POLR3B: variants seen among roughly 807,000 people sequenced by gnomAD.
POLR3B encodes the protein DNA-directed RNA polymerase III subunit RPC2.
A neutral mutation model predicts 147.4 loss-of-function variants in POLR3B; 96 were observed. The observed-to-expected ratio is 0.65, with a 90% CI of 0.55 to 0.77. The LOEUF is 0.77. Ranked by LOEUF, POLR3B falls within the 30% of genes least tolerant of loss-of-function variation. POLR3B has a pLI of 0.00. For synonymous variants in POLR3B, 461 were observed against 485.9 expected (o/e 0.95, Z 0.67); for missense variants, 1,036 against 1,413.5 (o/e 0.73, Z 4.28).
chr12:106,501,213 T>A, intron 25 of POLR3B, 110 bp from the exon 26 acceptor site: 1 of 755,848 alleles, frequency 1.3e-6, no homozygotes, highest in Non-Finnish European at 2.4e-6. Flanking sequence ...AAATCATTCT[T>A]ATCCAGTCAG....
intron 27 of POLR3B, among the ~76,000 whole-genome samples, chr12:106,507,423 AG>A (rs2038705258): frequency 6.6e-6 from 1 of 152,224 alleles, no homozygotes; most frequent in Admixed American, 6.5e-5. Flanking sequence ...AAAATAGATT[AG>A]CTTGGATCGG....
At chr12:106,400,651 A>G (rs899546974) in intron 10 of POLR3B, among the ~76,000 whole-genome samples, 8 of 152,262 alleles carry the variant, frequency 5.3e-5, no homozygotes, top group African/African-American at 1.9e-4. Context: ...GAATCAAACT[A>G]GAACTCAGGA....
chr12:106,394,654 G>A (rs1036236314), intron 10 of POLR3B, among the ~76,000 whole-genome samples: 1 of 152,176 alleles, frequency 6.6e-6, no homozygotes, highest in African/African-American at 2.4e-5. Context: ...AGCCCAAACA[G>A]TAGGTTGGAA....
chr12:106,480,605 G>C (rs977818761), intron 23 of POLR3B, among the ~76,000 whole-genome samples: 2 of 152,198 alleles, frequency 1.3e-5, no homozygotes, highest in South Asian at 2.1e-4. Context: ...AAGTACTCAA[G>C]TGATGGTTAC....
intron 18 of POLR3B, among the ~76,000 whole-genome samples, chr12:106,440,368 A>C (rs1223733857): frequency 6.6e-6 from 1 of 152,112 alleles, no homozygotes; most frequent in Non-Finnish European, 1.5e-5. Flanking sequence ...GTCTTTTCCT[A>C]ATAGAGCAGA....
rs148337206 is a variant in POLR3B at position 106,386,086 on chromosome 12, C to A, written c.723+5947C>A. Among the ~76,000 whole-genome samples the A allele has an allele frequency of 1.6e-3, 244 of 152,302 alleles. 1 individual carries two copies. The highest frequency in any genetic ancestry group is 5.7e-3 in the African/African-American group (235 of 41,566). Reference sequence around the variant, plus strand: ...CGGGGCTGGGCGCGGTGGCTCATGCCTATAATCCCATCGCTTTGGGAGGCC... The same window carrying A: ...CGGGGCTGGGCGCGGTGGCTCATGCATATAATCCCATCGCTTTGGGAGGCC... On this transcript the variant is annotated intron_variant, in intron 9 of 27. Transcript: ENST00000228347.
At chr12:106,486,293 A>G (rs1296771874) in intron 23 of POLR3B, among the ~76,000 whole-genome samples, 4 of 131,712 alleles carry the variant, frequency 3.0e-5, no homozygotes, top group African/African-American at 1.2e-4. Flanking sequence ...GTCTCAAAAA[A>G]AAAAAAAAAA....
chr12:106,370,303 A>T (rs774217932), intron 6 of POLR3B, among the ~76,000 whole-genome samples: 23 of 152,214 alleles, frequency 1.5e-4, no homozygotes, highest in Non-Finnish European at 2.8e-4. Context: ...CAATAAATAT[A>T]TACCAACTGC....
In POLR3B at chr12:106,433,828, A is replaced by C; in HGVS notation, c.1737A>C (p.Thr579=). ...TTGTTTCCATCTCAACAAATCTTAC[A>C]GATCGATGTGTCTATATTTCTTCTG... is the stretch of plus-strand genomic sequence containing the variant. ...NEFVSISTNL[T]DRCVYISSDG... Residue 579 remains threonine (T), a synonymous_variant, in exon 16 of 28, where the codon ACA becomes ACC. Coordinates refer to ENST00000228347, the MANE Select transcript of POLR3B (RefSeq NM_018082.6). The C allele has an allele frequency of 6.2e-6, 10 of 1,613,626 alleles. No individual in the cohort carries two copies. The highest frequency in any genetic ancestry group is 8.5e-6 in the Non-Finnish European group (10 of 1,179,606).
chr12:106,388,806 C>T (rs572731101), intron 9 of POLR3B, among the ~76,000 whole-genome samples: 1 of 152,276 alleles, frequency 6.6e-6, no homozygotes, highest in African/African-American at 2.4e-5. Context: ...CAATATATTT[C>T]AACCTGTCAC....
chr12:106,488,590 G>A (rs1695404294), intron 23 of POLR3B, among the ~76,000 whole-genome samples: 1 of 152,178 alleles, frequency 6.6e-6, no homozygotes, highest in Admixed American at 6.5e-5. Context: ...AAACAGAGCT[G>A]AACATGGGTG....
chr12:106,420,045 C>T (rs1046596139), intron 12 of POLR3B, among the ~76,000 whole-genome samples: 2 of 151,974 alleles, frequency 1.3e-5, no homozygotes, highest in Non-Finnish European at 2.9e-5. Flanking sequence ...AAGCTAGGCT[C>T]AGGCGTTTCC....
intron 1 of POLR3B, 130 bp downstream of exon 1, chr12:106,358,081 C>T (rs2036413514): frequency 6.5e-7 from 1 of 1,530,810 alleles, no homozygotes; most frequent in Admixed American, 2.0e-5. Context: ...TGCGCATGCC[C>T]AGAGCGTCGC....
chr12:106,430,592 G>C, intron 14 of POLR3B, 119 bp downstream of exon 14: 1 of 768,700 alleles, frequency 1.3e-6, no homozygotes, highest in South Asian at 1.4e-5. Flanking sequence ...TCTTTGGTCT[G>C]TCATTTATCT....
At chr12:106,499,695 A>G (rs144753350) in intron 25 of POLR3B, among the ~76,000 whole-genome samples, 2,659 of 152,310 alleles carry the variant, frequency 0.017, 40 homozygotes, top group South Asian at 0.029. Flanking sequence ...TGTACAACTA[A>G]GAACACTCAG....
chr12:106,415,149 A>G (rs2037284550), intron 12 of POLR3B, among the ~76,000 whole-genome samples: 1 of 152,160 alleles, frequency 6.6e-6, no homozygotes, highest in Non-Finnish European at 1.5e-5. Flanking sequence ...CCTCCTAACA[A>G]GTGTCTCTGT....
intron 10 of POLR3B, among the ~76,000 whole-genome samples, chr12:106,396,530 T>G (rs1221008183): frequency 2.6e-5 from 4 of 152,124 alleles, no homozygotes; most frequent in Non-Finnish European, 5.9e-5. Flanking sequence ...CCAAGTCTAG[T>G]AGGAAAAACA....
intron 9 of POLR3B, among the ~76,000 whole-genome samples, chr12:106,381,815 C>G (rs1490133561): frequency 1.3e-5 from 2 of 152,180 alleles, no homozygotes; most frequent in African/African-American, 4.8e-5. Context: ...GGCACAGCAG[C>G]CCCAAGGGCT....
intron 12 of POLR3B, among the ~76,000 whole-genome samples, chr12:106,414,891 T>C (rs1268399473): frequency 6.6e-6 from 1 of 152,210 alleles, no homozygotes; most frequent in Non-Finnish European, 1.5e-5. Context: ...TGTTCTAAAA[T>C]AGTTTACTTT....
Sources: allele counts gnomAD v4.1 joint callset (sites outside exome capture counted in the v4.1 genomes callset), GRCh38; gene constraint gnomAD v4.1.1; transcripts MANE v1.5; gene names NCBI Gene and HGNC (gene_info 2026-07-23, HGNC 2026-07-21).